XRCC4: variants seen among roughly 807,000 people sequenced by gnomAD.
The protein encoded by XRCC4 is X-ray repair cross complementing 4, also known as DNA repair protein XRCC4.
In XRCC4, 28 loss-of-function variants were observed where a neutral mutation model predicts 39.1. That is an observed-to-expected ratio of 0.72 (90% CI 0.53 to 0.98). The LOEUF is 0.98. XRCC4 is among the 50% of genes least tolerant of loss of function. XRCC4 has a pLI of 0.00. For synonymous variants in XRCC4, 123 were observed against 126.4 expected (o/e 0.97, Z 0.18); for missense variants, 350 against 376.4 (o/e 0.93, Z 0.58).
At chr5:83,163,190 G>A (rs989980595) in intron 3 of XRCC4, among the ~76,000 whole-genome samples, 22 of 151,908 alleles carry the variant, frequency 1.4e-4, no homozygotes, top group African/African-American at 3.6e-4. Flanking sequence ...CAAGTGAGCC[G>A]CCTGCCTGGG....
intron 7 of XRCC4, among the ~76,000 whole-genome samples, chr5:83,315,058 A>G (rs919536807): frequency 6.6e-6 from 1 of 152,148 alleles, no homozygotes; most frequent in Non-Finnish European, 1.5e-5. Flanking sequence ...TGTGAATGCA[A>G]AGGAAAACTT....
At chr5:83,151,963 G>A (rs187629557) in intron 3 of XRCC4, among the ~76,000 whole-genome samples, 2 of 152,270 alleles carry the variant, frequency 1.3e-5, no homozygotes, top group East Asian at 3.9e-4. Flanking sequence ...TACAGACTTG[G>A]GACTTTAGCC....
intron 6 of XRCC4, among the ~76,000 whole-genome samples, chr5:83,250,556 T>A (rs1753267889): frequency 6.6e-6 from 1 of 152,208 alleles, no homozygotes; most frequent in South Asian, 2.1e-4. Context: ...AGATAAATTA[T>A]TGCAAGTTTG....
At chr5:83,320,600 G>A (rs1261336522) in intron 7 of XRCC4, among the ~76,000 whole-genome samples, 4 of 151,598 alleles carry the variant, frequency 2.6e-5, no homozygotes, top group African/African-American at 7.3e-5. Flanking sequence ...TTGTGAAGGG[G>A]TCAATCAGTG....
At chr5:83,078,770 C>T (rs1375693322) in intron 1 of XRCC4, among the ~76,000 whole-genome samples, 2 of 152,146 alleles carry the variant, frequency 1.3e-5, no homozygotes, top group African/African-American at 2.4e-5. Context: ...CAAAGATGGT[C>T]TGTTCCTTTA....
At chr5:83,117,615 G>T (rs1466761543) in intron 3 of XRCC4, among the ~76,000 whole-genome samples, 1 of 148,798 alleles carries the variant, frequency 6.7e-6, no homozygotes, top group Non-Finnish European at 1.5e-5. Context: ...CTAACATATT[G>T]TAGAGCTACA....
chr5:83,174,788 A>G (rs1326688037), intron 3 of XRCC4, among the ~76,000 whole-genome samples: 1 of 152,234 alleles, frequency 6.6e-6, no homozygotes, highest in Non-Finnish European at 1.5e-5. Context: ...TGCAAACAGT[A>G]ATTTTAGTAC....
chr5:83,372,916 A>G, the XRCC4 span, among the ~76,000 whole-genome samples: 25 of 152,178 alleles, frequency 1.6e-4, no homozygotes, highest in Non-Finnish European at 2.8e-4. Context: ...AGCTTGTTTT[A>G]TTCACTTTTT....
chr5:83,370,351 A>G, the XRCC4 span, among the ~76,000 whole-genome samples: 1 of 152,170 alleles, frequency 6.6e-6, no homozygotes, highest in African/African-American at 2.4e-5. Context: ...TCCCTGGAAG[A>G]AAGGTAGATC....
chr5:83,211,634 CAAAAG>C (rs1751649562), intron 6 of XRCC4, among the ~76,000 whole-genome samples: 1 of 152,116 alleles, frequency 6.6e-6, no homozygotes, highest in East Asian at 1.9e-4. Context: ...CCTCCCCCAA[CAAAAG>C]AAAAGAAACC....
At chr5:83,301,409 A>T (rs916543944) in intron 7 of XRCC4, among the ~76,000 whole-genome samples, 2 of 151,830 alleles carry the variant, frequency 1.3e-5, no homozygotes, top group Non-Finnish European at 2.9e-5. Context: ...TCCTTCACCC[A>T]CTTTTTGATG....
At chr5:83,155,915 G>A (rs57666341) in intron 3 of XRCC4, among the ~76,000 whole-genome samples, 11,970 of 151,936 alleles carry the variant, frequency 0.079, 732 homozygotes, top group African/African-American at 0.16. Context: ...AATATGAACT[G>A]AGTCTTAATG....
intron 7 of XRCC4, among the ~76,000 whole-genome samples, chr5:83,264,980 G>A (rs926067325): frequency 3.3e-5 from 5 of 152,034 alleles, no homozygotes; most frequent in Non-Finnish European, 1.5e-5. Flanking sequence ...TTTTGTTGTT[G>A]TTGTTTACCA....
chr5:83,094,912 A>T (rs10473864), intron 1 of XRCC4, among the ~76,000 whole-genome samples: 42,932 of 119,394 alleles, frequency 0.36, 8,143 homozygotes, highest in Non-Finnish European at 0.48. Context: ...TTACCATTTT[A>T]TGGATTCCAT....
intron 6 of XRCC4, among the ~76,000 whole-genome samples, chr5:83,228,371 C>T (rs931552585): frequency 7.2e-5 from 11 of 151,774 alleles, no homozygotes; most frequent in African/African-American, 2.4e-4. Context: ...CAGGAAAAAC[C>T]ATGTGTCCTT....
Position 83,168,355 on chromosome 5 carries a change from A to G in XRCC4, c.316-27415A>G, listed in dbSNP as rs151134149. Among the ~76,000 whole-genome samples, 133 of 152,336 alleles carry G rather than the reference A, an allele frequency of 8.7e-4. No homozygotes were observed. The Middle Eastern group carries it at 0.01, about 12-fold the overall frequency. On this transcript the variant is annotated intron_variant, in intron 3 of 7. Coordinates refer to ENST00000396027, the MANE Select transcript of XRCC4 (RefSeq NM_003401.5). Reference sequence around the variant, plus strand: ...CTGGAGAATGTGTATTCACCTTACAATGTAACCTCAAAATACATAAAGCAA... The same window carrying G: ...CTGGAGAATGTGTATTCACCTTACAGTGTAACCTCAAAATACATAAAGCAA...
At chr5:83,304,626 T>G (rs1003161926) in intron 7 of XRCC4, among the ~76,000 whole-genome samples, 4 of 152,206 alleles carry the variant, frequency 2.6e-5, no homozygotes, top group African/African-American at 9.6e-5. Flanking sequence ...AAAATGAAGA[T>G]TTGAGTATCC....
chr5:83,256,564 A>G (rs1323475298), intron 6 of XRCC4, among the ~76,000 whole-genome samples: 1 of 152,078 alleles, frequency 6.6e-6, no homozygotes, highest in Non-Finnish European at 1.5e-5. Flanking sequence ...GTTCATAGAC[A>G]AGCATATACT....
intron 7 of XRCC4, among the ~76,000 whole-genome samples, chr5:83,299,227 C>CAAAG (rs904561841): frequency 8.5e-5 from 13 of 152,076 alleles, no homozygotes; most frequent in Admixed American, 5.2e-4. Flanking sequence ...TTTCAGCATT[C>CAAAG]AAAGATTTAA....
Sources: gnomAD v4.1 joint callset for allele counts (sites outside exome capture counted in the v4.1 genomes callset) on GRCh38, gnomAD v4.1.1 for gene constraint, MANE v1.5 for transcripts, NCBI Gene and HGNC (gene_info 2026-07-23, HGNC 2026-07-21) for gene names.